Variants in SLC12A6 observed in about 807,000 individuals in gnomAD.
SLC12A6 encodes the protein solute carrier family 12 member 6.
Under a neutral mutation model 135.3 loss-of-function variants are expected in SLC12A6, and 66 were observed. The ratio of observed to expected loss-of-function variants is 0.49; its 90% CI spans 0.40 to 0.60. The LOEUF is 0.60. Ranked by LOEUF, SLC12A6 falls within the 20% of genes least tolerant of loss-of-function variation. SLC12A6 has a pLI of 0.00. For synonymous variants in SLC12A6, 513 were observed against 508.8 expected, an observed-to-expected ratio of 1.01 and a Z score of -0.11; for missense variants, 1,058 against 1,452.3, an observed-to-expected ratio of 0.73 and a Z score of 4.41.
intron 2 of SLC12A6, among the ~76,000 whole-genome samples, chr15:34,314,277 C>T (rs961066506): frequency 6.6e-6 from 1 of 152,150 alleles, no homozygotes; most frequent in Non-Finnish European, 1.5e-5. Flanking sequence ...GAACTCCTGA[C>T]CTCAGGTGAT....
rs10519916 is a variant in SLC12A6, at chr15:34,241,779, T to C, written c.2162+323A>G. Among the ~76,000 whole-genome samples the C allele has an allele frequency of 0.1, 15,465 of 152,214 alleles. 887 individuals are homozygous for C. Among genetic ancestry groups the C allele is most frequent in the South Asian group, 0.15 (742 of 4,824 alleles). On this transcript the variant is annotated intron_variant, in intron 17 of 25. Coordinates refer to ENST00000354181, the MANE Select transcript of SLC12A6 (RefSeq NM_001365088.1). ...TAGTTACTAAGTTGTTCAGAACTAA[T>C]TTCTTTTTCATTTCAGAGACAACCC...
At chr15:34,317,563 C>T (rs1888738041) in intron 2 of SLC12A6, among the ~76,000 whole-genome samples, 1 of 151,084 alleles carries the variant, frequency 6.6e-6, no homozygotes, top group Non-Finnish European at 1.5e-5. Context: ...ATTAGCCGGG[C>T]GTGGTGGCAG....
chr15:34,250,116 G>T (rs1214750737), intron 13 of SLC12A6, among the ~76,000 whole-genome samples, 182 bp downstream of exon 13: 2 of 152,152 alleles, frequency 1.3e-5, no homozygotes, highest in African/African-American at 4.8e-5. Flanking sequence ...TGTTGCACAG[G>T]CTGGTCTTGA....
In SLC12A6 at chr15:34,229,907, ACT is replaced by A. The variant is rs796849079; in HGVS notation, c.*3972_*3973del. ...CACTTATGTTAAAAAGAACCAAAAG[ACT>A]CTTTTCTCCATGGTGGGGTGACAGG... On this transcript the variant is annotated 3_prime_UTR_variant, in exon 26 of 26. Coordinates refer to ENST00000354181, the MANE Select transcript of SLC12A6 (RefSeq NM_001365088.1). The A allele has an allele frequency of 0.11, 106,180 of 938,008 alleles. 7,117 individuals are homozygous for A. The highest frequency in any genetic ancestry group is 0.24 in the East Asian group (9,773 of 40,068). The allele number at this position is 938,008 out of a possible 1,614,324, so 58.1% of individuals were successfully genotyped here. A position where few individuals can be genotyped will look rare whatever the true frequency, so the allele number is the denominator to read the frequency against.
At chr15:34,317,688 G>C (rs941708386) in intron 2 of SLC12A6, among the ~76,000 whole-genome samples, 1 of 152,108 alleles carries the variant, frequency 6.6e-6, no homozygotes, top group Non-Finnish European at 1.5e-5. Flanking sequence ...GGGTGACAGA[G>C]AAAGACTCCA....
intron 2 of SLC12A6, among the ~76,000 whole-genome samples, chr15:34,308,637 AAAAAAAAAAAAAAAAC>A (rs957623871): frequency 8.6e-5 from 13 of 151,084 alleles, no homozygotes; most frequent in African/African-American, 2.9e-4. Flanking sequence ...TGACAAAAAA[AAAAAAAAAAAAAAAAC>A]AAACCAGATT....
rs140435105 is a variant in SLC12A6 at position 34,238,271 on chromosome 15, C to T, written c.2763G>A (p.Gly921=). The change falls in exon 21 of 26, where the codon GGG becomes GGA. Residue 921 remains glycine, a synonymous_variant. Coordinates refer to ENST00000354181, the MANE Select transcript of SLC12A6 (RefSeq NM_001365088.1). The part of the protein sequence containing the change: ...IDVWWIVHDG[G]MLMLLPFLLK... The stretch of plus-strand genomic sequence containing the variant: ...GTAGGAATGGTAGTAGCATAAGCAT[C>T]CCCCCATCATGCACAATCCACCACA... 2.5e-6 allele frequency: 4 copies of T among 1,612,686 alleles called. No homozygotes were observed. Among genetic ancestry groups the T allele is most frequent in the African/African-American group, 1.3e-5 (1 of 74,908 alleles).
chr15:34,329,046 T>C (rs546916108), intron 2 of SLC12A6, among the ~76,000 whole-genome samples: 90 of 152,370 alleles, frequency 5.9e-4, no homozygotes, highest in African/African-American at 2.1e-3. Context: ...ACATAATTCC[T>C]ACACTATAGC....
At chr15:34,324,609 T>C (rs1412830206) in intron 2 of SLC12A6, among the ~76,000 whole-genome samples, 1 of 146,346 alleles carries the variant, frequency 6.8e-6, no homozygotes, top group African/African-American at 2.6e-5. Context: ...ATTAAACCCA[T>C]TTATTAAAAA....
chr15:34,268,404 T>C (rs10152222), intron 3 of SLC12A6, among the ~76,000 whole-genome samples: 5,976 of 152,262 alleles, frequency 0.039, 217 homozygotes, highest in African/African-American at 0.099. Flanking sequence ...TGTGGTAGTG[T>C]TGTGCAATGG....
Position 34,261,040 on chromosome 15 carries a change from C to T in SLC12A6, c.317-20G>A, listed in dbSNP as rs1324271905. On this transcript the variant is annotated intron_variant, in intron 3 of 25. Transcript: ENST00000354181. ...CGTCGTCTGGAAAAAAAAAAGTAGA[C>T]CAAGTTAGTTTCTCACTGGTTTCTG... 5 of 1,267,084 alleles carry T rather than the reference C, an allele frequency of 3.9e-6. No individual in the cohort carries two copies. In the African/African-American group the frequency reaches 5.9e-5, roughly 15 times the overall value. 78.5% of individuals were successfully genotyped at this position (1,267,084 alleles called of 1,614,324 possible). A position where few individuals can be genotyped will look rare whatever the true frequency, so the allele number is the denominator to read the frequency against.
intron 9 of SLC12A6, among the ~76,000 whole-genome samples, chr15:34,253,952 C>T (rs1378567536): frequency 1.3e-5 from 2 of 152,224 alleles, no homozygotes; most frequent in African/African-American, 4.8e-5. Flanking sequence ...CGCAGTGGCT[C>T]ACGCCTGTAA....
chr15:34,255,086 C>G (rs1209558852), intron 8 of SLC12A6, among the ~76,000 whole-genome samples, 176 bp downstream of exon 8: 1 of 152,204 alleles, frequency 6.6e-6, no homozygotes, highest in Non-Finnish European at 1.5e-5. Context: ...AAGGGACAGG[C>G]AGGCAAACAG....
chr15:34,245,364 C>T lies in SLC12A6; in HGVS notation c.1864G>A (p.Ala622Thr). The T allele has an allele frequency of 6.2e-7, 1 of 1,613,348 alleles. No individual in the cohort carries two copies. The highest frequency in any genetic ancestry group is 1.1e-5 in the South Asian group (1 of 91,062). ...HSKANGEPTWALLLTAAIAEL... is the reference protein window; with the variant it reads ...HSKANGEPTWTLLLTAAIAEL... ...GCAATGGCAGCAGTTAGAAGTAAAG[C>T]CCAGGTAGGTTCCCCATTGGCTTTG... Residue 622 changes from alanine (A) to threonine (T), a missense_variant, in exon 15 of 26, where the codon GCT becomes ACT. Ala to Thr is a moderately conservative substitution (Grantham distance 58). Transcript: ENST00000354181.
chr15:34,247,239 T>C (rs1170299723), intron 13 of SLC12A6, among the ~76,000 whole-genome samples: 2 of 152,252 alleles, frequency 1.3e-5, no homozygotes, highest in East Asian at 3.9e-4. Flanking sequence ...TGTGCAAGGC[T>C]GGGTGCGGTG....
In SLC12A6 at chr15:34,295,461, T is replaced by C. The variant is rs1251148390; in HGVS notation, c.272-20072A>G. Reference sequence around the variant, plus strand: ...GATCCTCAACAGACATAATAACAATTATATGCTAAAAAGAGTCATGGCGAC... The same window carrying C: ...GATCCTCAACAGACATAATAACAATCATATGCTAAAAAGAGTCATGGCGAC... On this transcript the variant is annotated intron_variant, in intron 2 of 25. Transcript: ENST00000354181. Among the ~76,000 whole-genome samples, 7 of 152,326 alleles carry C rather than the reference T, an allele frequency of 4.6e-5. No homozygotes were observed. In the East Asian group the frequency reaches 1.2e-3, roughly 25 times the overall value.
intron 2 of SLC12A6, among the ~76,000 whole-genome samples, chr15:34,288,223 TGTTTGTGTA>T (rs1203417155): frequency 3.3e-5 from 5 of 151,150 alleles, no homozygotes; most frequent in Non-Finnish European, 7.4e-5. Flanking sequence ...ACCATGTATA[TGTTTGTGTA>T]GTTTGTGTAG....
intron 19 of SLC12A6, 28 bp from the exon 20 acceptor site, chr15:34,239,188 G>A: frequency 6.6e-7 from 1 of 1,508,774 alleles, no homozygotes. Context: ...CCGCAACACT[G>A]AACTGGTTCA....
At chr15:34,256,304 G>A (rs1892748753) in intron 6 of SLC12A6, 21 bp from the exon 7 acceptor site, 2 of 1,553,486 alleles carry the variant, frequency 1.3e-6, no homozygotes, top group East Asian at 2.2e-5. Flanking sequence ...AAGGAAAGGA[G>A]AGGATTGTTA....
Sources: gnomAD v4.1 joint callset for allele counts (sites outside exome capture counted in the v4.1 genomes callset) on GRCh38, gnomAD v4.1.1 for gene constraint, MANE v1.5 for transcripts, NCBI Gene and HGNC (gene_info 2026-07-23, HGNC 2026-07-21) for gene names.